Variants in CD47 observed in about 807,000 individuals in gnomAD.
CD47 encodes CD47 molecule, also known as leukocyte surface antigen CD47.
A neutral mutation model predicts 44.6 loss-of-function variants in CD47; 11 were observed. The observed-to-expected ratio is 0.25, with a 90% CI of 0.16 to 0.41. The LOEUF (loss-of-function observed/expected upper bound fraction) is 0.41. Among genes scored for constraint, CD47 ranks in the 10% least tolerant of loss-of-function variants. CD47 has a pLI of 1.00. For missense variants in CD47, 306 were observed against 386.7 expected (o/e 0.79, Z 1.75); for synonymous variants, 140 against 136.3 (o/e 1.03, Z -0.19).
rs71629342 is a variant in CD47 at position 108,079,567 on chromosome 3, T to TAAAAAAAAAAAA, written c.400+412_400+423dup. ...TCATCCCTTGGTCAAAGTGTAAGGT[T>TAAAAAAAAAAAA]AAAAAAAAAAAAAAAAAAAAAAAAA... On this transcript the variant is annotated intron_variant, in intron 2 of 10. Coordinates refer to ENST00000361309, the MANE Select transcript of CD47 (RefSeq NM_001777.4). 9.4e-5 allele frequency among the ~76,000 whole-genome samples: 5 copies of TAAAAAAAAAAAA among 53,120 alleles called. 1 individual carries two copies. Among genetic ancestry groups the TAAAAAAAAAAAA allele is most frequent in the Admixed American group, 2.4e-4 (1 of 4,228 alleles). The allele number at this position is 53,120 out of a possible 152,430, so 34.8% of individuals were successfully genotyped here.
Position 108,046,113 on chromosome 3 carries a change from G to A in CD47, c.*1175C>T, listed in dbSNP as rs1444076739. 6.6e-6 allele frequency: 1 copy of A among 152,514 alleles called. No homozygotes were observed. The highest frequency in any genetic ancestry group is 1.5e-5 in the Non-Finnish European group (1 of 68,052). The allele number at this position is 152,514 out of a possible 1,614,324, so 9.4% of individuals were successfully genotyped here. ...CAGAACATTAATTTTCTTCTAACCA[G>A]GATAGGAAATGTGGGTTTTGTTTAC... On this transcript the variant is annotated 3_prime_UTR_variant, in exon 11 of 11. Transcript: ENST00000361309.
chr3:108,065,811 CAAAAAAAAAAAAAAAAAAAAA>C (rs58021560), intron 3 of CD47, among the ~76,000 whole-genome samples: 2 of 61,166 alleles, frequency 3.3e-5, no homozygotes, highest in South Asian at 6.0e-4. Context: ...GACTCCGTCT[CAAAAAAAAAAAAAAAAAAAAA>C]AAAAAAAAAA....
At chr3:108,079,823 A>G (rs562910039) in intron 2 of CD47, among the ~76,000 whole-genome samples, 168 bp downstream of exon 2, 1 of 152,032 alleles carries the variant, frequency 6.6e-6, no homozygotes, top group Admixed American at 6.6e-5. Flanking sequence ...AGATTAACAA[A>G]TAGGATAGAA....
chr3:108,076,200 T>A (rs1012718018), intron 2 of CD47, among the ~76,000 whole-genome samples: 1 of 152,234 alleles, frequency 6.6e-6, no homozygotes, highest in Non-Finnish European at 1.5e-5. Flanking sequence ...TTTAAGCTGC[T>A]ATATTTGTAG....
At chr3:108,066,659 A>AAG in intron 3 of CD47, among the ~76,000 whole-genome samples, 1 of 152,250 alleles carries the variant, frequency 6.6e-6, no homozygotes, top group African/African-American at 2.4e-5. Flanking sequence ...AAAAGAGGAA[A>AAG]CTAGGCAAGA....
chr3:108,060,627 A>T, intron 4 of CD47, 118 bp downstream of exon 4: 1 of 669,986 alleles, frequency 1.5e-6, no homozygotes, highest in Non-Finnish European at 2.6e-6. Flanking sequence ...GCTATTGTTT[A>T]AGCCACCCAG....
intron 1 of CD47, among the ~76,000 whole-genome samples, chr3:108,088,330 C>T (rs2079560323): frequency 6.6e-6 from 1 of 152,158 alleles, no homozygotes; most frequent in Non-Finnish European, 1.5e-5. Context: ...TTTCAAATCT[C>T]CATGAACAAC....
chr3:108,068,143 A>G (rs1325351596), intron 3 of CD47, among the ~76,000 whole-genome samples: 5 of 152,244 alleles, frequency 3.3e-5, no homozygotes, highest in African/African-American at 9.6e-5. Context: ...TAGAAGATTT[A>G]CCATACTGGA....
At chr3:108,087,653 C>T (rs2079548202) in intron 1 of CD47, among the ~76,000 whole-genome samples, 1 of 152,158 alleles carries the variant, frequency 6.6e-6, no homozygotes, top group East Asian at 1.9e-4. Context: ...TTGAACTAGC[C>T]AAACCCCTTG....
At chr3:108,048,733 A>T (rs536361010) in intron 10 of CD47, among the ~76,000 whole-genome samples, 20 of 152,320 alleles carry the variant, frequency 1.3e-4, no homozygotes, top group African/African-American at 4.8e-4. Context: ...CTTGGGGGGA[A>T]TATAGCTTCC....
chr3:108,069,993 T>C (rs2079170133), intron 3 of CD47, among the ~76,000 whole-genome samples: 1 of 152,172 alleles, frequency 6.6e-6, no homozygotes, highest in South Asian at 2.1e-4. Flanking sequence ...CTGCCACCCC[T>C]TTCTTCCCCC....
intron 10 of CD47, among the ~76,000 whole-genome samples, chr3:108,048,512 G>A (rs549284291): frequency 6.7e-6 from 1 of 150,360 alleles, no homozygotes; most frequent in African/African-American, 2.4e-5. Context: ...AGCCTCCCAA[G>A]TAGCTGGGAC....
intron 7 of CD47, chr3:108,053,164 A>C (rs2078858789): frequency 6.6e-6 from 1 of 152,490 alleles, no homozygotes; most frequent in East Asian, 1.9e-4. Flanking sequence ...CGCCTCCAGG[A>C]CTGCTCTGTG....
At chr3:108,048,552 T>C (rs1019907471) in intron 10 of CD47, among the ~76,000 whole-genome samples, 25 of 151,872 alleles carry the variant, frequency 1.6e-4, no homozygotes, top group Non-Finnish European at 2.8e-4. Context: ...GCCCGGCTAA[T>C]TTTTTGTAGT....
intron 2 of CD47, among the ~76,000 whole-genome samples, chr3:108,078,053 T>C (rs1483107377): frequency 1.3e-5 from 2 of 152,070 alleles, no homozygotes; most frequent in East Asian, 3.8e-4. Context: ...CATTGTGAAC[T>C]TCCTGATTTT....
intron 7 of CD47, among the ~76,000 whole-genome samples, chr3:108,057,011 G>A (rs1295978612): frequency 6.6e-6 from 1 of 152,014 alleles, no homozygotes; most frequent in Non-Finnish European, 1.5e-5. Flanking sequence ...TCCTGTCTGG[G>A]GTGTCTATGT....
intron 3 of CD47, among the ~76,000 whole-genome samples, chr3:108,066,752 T>C (rs935483703): frequency 5.3e-5 from 8 of 152,052 alleles, no homozygotes; most frequent in Admixed American, 2.0e-4. Flanking sequence ...AGAGAAGAAA[T>C]AGCTGATTGT....
Position 108,057,482 on chromosome 3 carries a change from A to C in CD47, c.872T>G (p.Phe291Cys). 6.9e-7 allele frequency: 1 copy of C among 1,455,120 alleles called. No individual in the cohort carries two copies. Among genetic ancestry groups the C allele is most frequent in the Non-Finnish European group, 9.6e-7 (1 of 1,037,728 alleles). The allele number at this position is 1,455,120 out of a possible 1,614,324, so 90.1% of individuals were successfully genotyped here. ...TGAAAATAAGATTGACTTACCCACAAATTTCATATAAACTAGTCCAAGTAA... is the reference window on the plus strand; with the variant it reads ...TGAAAATAAGATTGACTTACCCACACATTTCATATAAACTAGTCCAAGTAA... ...AQLLGLVYMK[F>C]VASNQKTIQP... is the part of the protein sequence containing the mutation. Residue 291 changes from phenylalanine to cysteine, a missense_variant, in exon 7 of 11, where the codon TTT becomes TGT. Around this residue, in one of 5 missense-constraint regions of CD47, gnomAD observed 131 missense variants for 135.3 expected, o/e 0.97. Coordinates refer to ENST00000361309, the MANE Select transcript of CD47 (RefSeq NM_001777.4).
At chr3:108,074,399 C>T (rs1402633796) in intron 2 of CD47, among the ~76,000 whole-genome samples, 2 of 151,992 alleles carry the variant, frequency 1.3e-5, no homozygotes, top group Non-Finnish European at 2.9e-5. Context: ...CTGCAACCTC[C>T]ACCTCCCGGG....
Sources: allele counts gnomAD v4.1 joint callset (sites outside exome capture counted in the v4.1 genomes callset), GRCh38; gene constraint gnomAD v4.1.1; regional missense constraint gnomAD v4.1.1; transcripts MANE v1.5; gene names NCBI Gene and HGNC (gene_info 2026-07-23, HGNC 2026-07-21).